CACHD1: variants seen among roughly 807,000 people sequenced by gnomAD.
CACHD1 encodes VWFA and cache domain-containing protein 1.
CACHD1 carries 71 observed loss-of-function variants against 138.7 expected under a neutral mutation model. The ratio of observed to expected loss-of-function variants is 0.51; its 90% CI spans 0.42 to 0.62. The LOEUF is 0.62. Among genes scored for constraint, CACHD1 ranks in the 20% least tolerant of loss-of-function variants. CACHD1 has a pLI of 0.00. For missense variants in CACHD1, 1,389 were observed against 1,625.3 expected (o/e 0.85, Z 2.50); for synonymous variants, 578 against 591.5 (o/e 0.98, Z 0.33).
intron 21 of CACHD1, among the ~76,000 whole-genome samples, chr1:64,676,657 T>C (rs1650002092): frequency 6.6e-6 from 1 of 152,190 alleles, no homozygotes; most frequent in Non-Finnish European, 1.5e-5. Context: ...GCTGTAGTAG[T>C]ACTTTTCGTA....
chr1:64,530,269 G>A (rs1646572169), intron 1 of CACHD1, among the ~76,000 whole-genome samples: 1 of 152,134 alleles, frequency 6.6e-6, no homozygotes. Flanking sequence ...CAACAATAGA[G>A]GTTGGTTCTA....
chr1:64,675,385 C>G lies in CACHD1; in HGVS notation c.2728-16C>G. On this transcript the variant is annotated splice_polypyrimidine_tract_variant and intron_variant, in intron 19 of 26. Transcript: ENST00000651257. ...CATTGCTGTCTGTCATTTCTGATAC[C>G]TTGATTGTTCTGTAGGGGGATTTGA... The G allele has an allele frequency of 6.4e-7, 1 of 1,553,438 alleles. No individual in the cohort carries two copies. The highest frequency in any genetic ancestry group is 8.8e-7 in the Non-Finnish European group (1 of 1,134,394).
intron 7 of CACHD1, among the ~76,000 whole-genome samples, chr1:64,638,417 A>G (rs957089850): frequency 3.3e-5 from 5 of 152,226 alleles, no homozygotes. Flanking sequence ...CATGTCATAA[A>G]TCATTGTTGG....
rs529289095 is a variant in CACHD1 at position 64,591,408 on chromosome 1, G to C, written c.410+9104G>C. On this transcript the variant is annotated intron_variant, in intron 3 of 26. Transcript: ENST00000651257. ...CTTGCATATGGAGCAAATGATGGAA[G>C]AGGCAGCTAAGAAGTTGGATCAATA... Among the ~76,000 whole-genome samples, 4 of 152,344 alleles carry C rather than the reference G, an allele frequency of 2.6e-5. No individual in the cohort carries two copies. The South Asian group carries it at 8.3e-4, about 32-fold the overall frequency.
intron 1 of CACHD1, among the ~76,000 whole-genome samples, chr1:64,543,402 CATATATATATAT>C (rs140966471): frequency 1.6e-5 from 2 of 126,886 alleles, no homozygotes; most frequent in Admixed American, 8.0e-5. Context: ...AAAAAAAATA[CATATATATATAT>C]ATATATATAT....
Position 64,643,036 on chromosome 1 carries a change from TAAAAAAAAAAAAAAAAAAAA to T in CACHD1, c.1156+1083_1156+1102del, listed in dbSNP as rs139320316. Among the ~76,000 whole-genome samples the T allele has an allele frequency of 2.0e-3, 66 of 33,360 alleles. 1 individual carries two copies. The highest frequency in any genetic ancestry group is 4.5e-3 in the African/African-American group (56 of 12,406). 21.9% of individuals were successfully genotyped at this position (33,360 alleles called of 152,430 possible). The stretch of plus-strand genomic sequence containing the variant: ...CCTGGTGACAGAGCAAGACTCTGTC[TAAAAAAAAAAAAAAAAAAAA>T]AAAAAAAAAAAAAAAGCCATGTCTT... On this transcript the variant is annotated intron_variant, in intron 8 of 26. Transcript: ENST00000651257.
At chr1:64,591,174 A>G (rs1647097272) in intron 3 of CACHD1, among the ~76,000 whole-genome samples, 1 of 152,228 alleles carries the variant, frequency 6.6e-6, no homozygotes, top group South Asian at 2.1e-4. Flanking sequence ...ATATGCAGCA[A>G]GACTTACAGA....
intron 1 of CACHD1, among the ~76,000 whole-genome samples, chr1:64,536,865 A>G (rs1366135032): frequency 2.0e-5 from 3 of 152,154 alleles, no homozygotes; most frequent in Non-Finnish European, 4.4e-5. Flanking sequence ...GAGCAAACCT[A>G]ATAGGTGGCT....
intron 1 of CACHD1, among the ~76,000 whole-genome samples, chr1:64,483,587 T>C (rs781337911): frequency 1.1e-4 from 17 of 148,964 alleles, no homozygotes; most frequent in Non-Finnish European, 1.5e-4. Flanking sequence ...CTCACTTTGG[T>C]AATCCCAGCA....
chr1:64,537,746 A>G (rs1646644927), intron 1 of CACHD1, among the ~76,000 whole-genome samples: 1 of 152,192 alleles, frequency 6.6e-6, no homozygotes, highest in African/African-American at 2.4e-5. Flanking sequence ...GTTACTATTT[A>G]TTGAGCTCTT....
chr1:64,688,756 A>G (rs916290605), intron 26 of CACHD1, among the ~76,000 whole-genome samples: 1 of 150,982 alleles, frequency 6.6e-6, no homozygotes, highest in African/African-American at 2.4e-5. Context: ...GTCCAGTGCC[A>G]TCTCCCACCG....
chr1:64,628,689 A>T (rs187790584), intron 4 of CACHD1, among the ~76,000 whole-genome samples: 1 of 152,294 alleles, frequency 6.6e-6, no homozygotes, highest in East Asian at 1.9e-4. Flanking sequence ...TTGGCCATTT[A>T]CTGATGAGGT....
intron 9 of CACHD1, among the ~76,000 whole-genome samples, chr1:64,648,888 A>G (rs1006021595): frequency 5.3e-5 from 8 of 152,214 alleles, no homozygotes; most frequent in Non-Finnish European, 7.3e-5. Flanking sequence ...CCTGACTAAC[A>G]GTATATTTTT....
At chr1:64,651,484 C>G (rs934375465) in intron 9 of CACHD1, among the ~76,000 whole-genome samples, 7 of 152,052 alleles carry the variant, frequency 4.6e-5, no homozygotes, top group African/African-American at 1.7e-4. Flanking sequence ...GCAGTTAATG[C>G]TGTGTCCTTT....
chr1:64,481,438 A>G (rs1646211134), intron 1 of CACHD1, among the ~76,000 whole-genome samples: 1 of 152,236 alleles, frequency 6.6e-6, no homozygotes, highest in African/African-American at 2.4e-5. Flanking sequence ...TTGTTTCTTC[A>G]AAGTGTGGAC....
Position 64,652,183 on chromosome 1 carries a change from AC to A in CACHD1, c.1416del (p.Cys473ValfsTer11). ...GDGLIMTVSK[P>X]CYFGNLLLGI... ...TAGGTTTGATAATGACTGTGAGTAAACCCTGTTATTTTGGAAACCTACTTCT... is the reference window on the plus strand; with the variant it reads ...TAGGTTTGATAATGACTGTGAGTAAACCTGTTATTTTGGAAACCTACTTCT... On this transcript the variant is annotated frameshift_variant, in exon 10 of 27. Transcript: ENST00000651257. LOFTEE classifies it high-confidence loss of function. 1.9e-6 allele frequency: 3 copies of A among 1,611,700 alleles called. No homozygotes were observed. The highest frequency in any genetic ancestry group is 1.7e-6 in the Non-Finnish European group (2 of 1,179,254).
chr1:64,596,524 G>A (rs1469854364), intron 3 of CACHD1, among the ~76,000 whole-genome samples: 1 of 152,166 alleles, frequency 6.6e-6, no homozygotes, highest in Admixed American at 6.5e-5. Context: ...GCAGCTACTG[G>A]TGAAGGGTTT....
chr1:64,552,263 T>C lies in CACHD1; in HGVS notation c.261+1607T>C, dbSNP rs575374894. Among the ~76,000 whole-genome samples, 5 of 152,216 alleles carry C rather than the reference T, an allele frequency of 3.3e-5. No homozygotes were observed. The South Asian group carries it at 8.3e-4, about 25-fold the overall frequency. ...ATTATACCTGCTGACTGAGCACTTA[T>C]GGAACATCAGGGCTAGGCAACTTCC... On this transcript the variant is annotated intron_variant, in intron 2 of 26. Coordinates refer to ENST00000651257, the MANE Select transcript of CACHD1 (RefSeq NM_020925.4).
At chr1:64,632,138 A>G (rs960597383) in intron 5 of CACHD1, among the ~76,000 whole-genome samples, 24 of 152,052 alleles carry the variant, frequency 1.6e-4, no homozygotes, top group African/African-American at 5.8e-4. Context: ...CAAAACAGGT[A>G]CACTGGGCAA....
Sources: allele counts gnomAD v4.1 joint callset (sites outside exome capture counted in the v4.1 genomes callset), GRCh38; gene constraint gnomAD v4.1.1; transcripts MANE v1.5; gene names NCBI Gene and HGNC (gene_info 2026-07-23, HGNC 2026-07-21).